Variants in ASS1 observed in about 807,000 individuals in gnomAD.
The protein encoded by ASS1 is argininosuccinate synthase.
Under a neutral mutation model 60.5 loss-of-function variants are expected in ASS1, and 58 were observed. The ratio of observed to expected loss-of-function variants is 0.96; its 90% CI spans 0.78 to 1.19. The LOEUF (loss-of-function observed/expected upper bound fraction) is 1.19, where lower values mean the gene tolerates loss of function less well. ASS1 is among the 50% of genes most tolerant of loss of function. ASS1 has a pLI of 0.00. For missense variants in ASS1, 454 were observed against 547.3 expected, an observed-to-expected ratio of 0.83 and a Z score of 1.70; for synonymous variants, 200 against 206.9, an observed-to-expected ratio of 0.97 and a Z score of 0.29.
At position 130,488,571 on chromosome 9, in the gene ASS1, T is replaced by G. The variant is rs1316983244; in HGVS notation, c.839-762T>G. On this transcript the variant is annotated intron_variant, in intron 11 of 14. Coordinates refer to ENST00000352480, the MANE Select transcript of ASS1 (RefSeq NM_054012.4). This position sits in a 1 kb window ranked among gnomAD's most constrained non-coding sequence, Gnocchi z 5.2. ...TCTGTCTCACTCGGAGATCATCTGT[T>G]CCAAGCAGGTTGTTTTCCAAATGGA... Among the ~76,000 whole-genome samples the G allele has an allele frequency of 6.6e-6, 1 of 152,232 alleles. No individual in the cohort carries two copies. Among genetic ancestry groups the G allele is most frequent in the African/African-American group, 2.4e-5 (1 of 41,448 alleles).
rs1019016157 is a variant in ASS1, at chr9:130,491,089, T to A, written c.970+1625T>A. Among the ~76,000 whole-genome samples the A allele has an allele frequency of 6.6e-6, 1 of 152,160 alleles. No homozygotes were observed. The highest frequency in any genetic ancestry group is 1.5e-5 in the Non-Finnish European group (1 of 68,026). On this transcript the variant is annotated intron_variant, in intron 12 of 14. Transcript: ENST00000352480. This position sits in a 1 kb window ranked among gnomAD's most constrained non-coding sequence, Gnocchi z 5.3. The stretch of plus-strand genomic sequence containing the variant: ...TAAGCCTCCTAATCACTGTAACTCA[T>A]CTCAGGATTTCGAGAGGGCTCGATG...
intron 11 of ASS1, among the ~76,000 whole-genome samples, chr9:130,484,143 T>A (rs1846243409): frequency 6.6e-6 from 1 of 152,144 alleles, no homozygotes; most frequent in African/African-American, 2.4e-5. Flanking sequence ...CCCTGGTACC[T>A]AAGAGGGGAG....
chr9:130,481,788 G>C (rs1446311171), intron 11 of ASS1, among the ~76,000 whole-genome samples: 1 of 152,210 alleles, frequency 6.6e-6, no homozygotes, highest in African/African-American at 2.4e-5. Context: ...GGGGAGGCAG[G>C]CTCGCCTCTT....
At chr9:130,461,034 T>C (rs1264425670) in intron 4 of ASS1, among the ~76,000 whole-genome samples, 1 of 149,556 alleles carries the variant, frequency 6.7e-6, no homozygotes, top group Non-Finnish European at 1.5e-5. Flanking sequence ...AAAAAAAAGC[T>C]CCCGACCCAT....
Position 130,489,387 on chromosome 9 carries a change from A to G in ASS1, c.893A>G (p.Glu298Gly), listed in dbSNP as rs372061654. 9 of 1,614,004 alleles carry G rather than the reference A, an allele frequency of 5.6e-6. No homozygotes were observed. Among genetic ancestry groups the G allele is most frequent in the Non-Finnish European group, 7.6e-6 (9 of 1,180,010 alleles). Reference sequence around the variant, plus strand: ...CTTTACCATGCTCATTTAGACATCGAGGCCTTCACCATGGACCGGGAAGTG... The same window carrying G: ...CTTTACCATGCTCATTTAGACATCGGGGCCTTCACCATGGACCGGGAAGTG... ...TILYHAHLDI[E>G]AFTMDREVRK... Residue 298 changes from glutamate to glycine, a missense_variant, in exon 12 of 15, where the codon GAG becomes GGG. By Grantham distance (98) the Glu-to-Gly change is moderately conservative. Transcript: ENST00000352480. This position sits in a 1 kb window ranked among gnomAD's most constrained non-coding sequence, Gnocchi z 4.1.
Position 130,470,622 on chromosome 9 carries a change from T to C in ASS1, c.496-212T>C, listed in dbSNP as rs758380745. Among the ~76,000 whole-genome samples the C allele has an allele frequency of 2.8e-4, 42 of 152,188 alleles. No homozygotes were observed. Among genetic ancestry groups the C allele is most frequent in the Non-Finnish European group, 4.9e-4 (33 of 68,022 alleles). On this transcript the variant is annotated intron_variant, in intron 6 of 14. Transcript: ENST00000352480. The surrounding 1 kb of genome is among the most constrained non-coding windows in gnomAD (Gnocchi z 4.3). Reference sequence around the variant, plus strand: ...CTGGAAGGAACCTCCAAGGTCAGCATTGCAGACACACGGTCCTGCAGTTTC... The same window carrying C: ...CTGGAAGGAACCTCCAAGGTCAGCACTGCAGACACACGGTCCTGCAGTTTC...
Position 130,464,154 on chromosome 9 carries a change from C to T in ASS1, c.407C>T (p.Ala136Val), listed in dbSNP as rs760164246. 14 of 1,614,016 alleles carry T rather than the reference C, an allele frequency of 8.7e-6. No homozygotes were observed. The highest frequency in any genetic ancestry group is 2.7e-5 in the African/African-American group (2 of 74,928). ...VRFELSCYSL[A>V]PQIKVIAPWR... ...TTTGAGCTCAGCTGCTACTCACTGGCCCCCCAGATAAAGGTAGGATGTGGC... is the reference window on the plus strand; with the variant it reads ...TTTGAGCTCAGCTGCTACTCACTGGTCCCCCAGATAAAGGTAGGATGTGGC... The change falls in exon 5 of 15, where the codon GCC (alanine) becomes GTC (valine). Residue 136 changes from alanine to valine, a missense_variant. Transcript: ENST00000352480.
intron 6 of ASS1, among the ~76,000 whole-genome samples, chr9:130,469,969 C>T (rs1299852098): frequency 6.6e-6 from 1 of 152,170 alleles, no homozygotes; most frequent in Admixed American, 6.5e-5. Context: ...GGTGGGGCCC[C>T]TTCAGTGCAC....
chr9:130,445,594 C>A (rs530087733), intron 1 of ASS1, among the ~76,000 whole-genome samples: 1 of 152,014 alleles, frequency 6.6e-6, no homozygotes, highest in African/African-American at 2.4e-5. Context: ...GTGGGGCTGG[C>A]GGCCTCGCGG....
At chr9:130,450,384 C>T (rs1385713732) in intron 1 of ASS1, 3 of 972,722 alleles carry the variant, frequency 3.1e-6, no homozygotes, top group African/African-American at 1.8e-5. Flanking sequence ...TCCTTCCCTC[C>T]ATCCTGCATG....
Position 130,476,708 on chromosome 9 carries a change from G to A in ASS1, c.598-163G>A. ...TGTTTCCCAGGCCTCTGGCAAGCGA[G>A]GCTGGTGCTAGGCTGAGGGCTGGGG... On this transcript the variant is annotated intron_variant, in intron 8 of 14. Coordinates refer to ENST00000352480, the MANE Select transcript of ASS1 (RefSeq NM_054012.4). This position sits in a 1 kb window ranked among gnomAD's most constrained non-coding sequence, Gnocchi z 4.9. 1 of 714,584 alleles carries A rather than the reference G, an allele frequency of 1.4e-6. No individual in the cohort carries two copies. Among genetic ancestry groups the A allele is most frequent in the Non-Finnish European group, 2.5e-6 (1 of 396,072 alleles). 44.3% of individuals were successfully genotyped at this position (714,584 alleles called of 1,614,324 possible). A position where few individuals can be genotyped will look rare whatever the true frequency, so the allele number is the denominator to read the frequency against.
intron 12 of ASS1, among the ~76,000 whole-genome samples, chr9:130,493,955 G>A (rs1846518948): frequency 6.6e-6 from 1 of 152,216 alleles, no homozygotes; most frequent in East Asian, 1.9e-4. Context: ...AAAGCTCCAA[G>A]TTTATCATAG....
At chr9:130,463,449 G>C (rs1455907891) in intron 4 of ASS1, among the ~76,000 whole-genome samples, 1 of 152,214 alleles carries the variant, frequency 6.6e-6, no homozygotes, top group South Asian at 2.1e-4. Context: ...CAACCTGCCC[G>C]AGGGGGTGGC....
intron 13 of ASS1, among the ~76,000 whole-genome samples, chr9:130,497,983 AGCCCTGGAGGG>A (rs1282157377): frequency 6.6e-6 from 1 of 152,164 alleles, no homozygotes; most frequent in East Asian, 1.9e-4. Flanking sequence ...TCAGTGCCTG[AGCCCTGGAGGG>A]GCCGTGGAGG....
chr9:130,487,864 C>T (rs113745821), intron 11 of ASS1, among the ~76,000 whole-genome samples: 5,251 of 152,088 alleles, frequency 0.035, 320 homozygotes, highest in African/African-American at 0.12. Context: ...GATCCTCCTG[C>T]CTCAGCCTCC....
intron 14 of ASS1, 70 bp downstream of exon 14, chr9:130,499,640 A>G (rs1400333031): frequency 1.2e-5 from 18 of 1,482,814 alleles, no homozygotes; most frequent in South Asian, 2.4e-5. Flanking sequence ...GAGAGCCCCC[A>G]GGTGTAAAGG....
At chr9:130,464,270 AT>A in intron 5 of ASS1, 103 bp downstream of exon 5, 1 of 1,421,498 alleles carries the variant, frequency 7.0e-7, no homozygotes, top group Non-Finnish European at 9.9e-7. Flanking sequence ...CAGGCACAGA[AT>A]CTCCTCCGTG....
At chr9:130,500,626 C>T (rs957834707) in intron 14 of ASS1, among the ~76,000 whole-genome samples, 2 of 152,122 alleles carry the variant, frequency 1.3e-5, no homozygotes, top group Non-Finnish European at 2.9e-5. Flanking sequence ...CCTCCACCTC[C>T]CCTGCCTCCT....
rs886063533 is a variant in ASS1, at chr9:130,501,150, C to T, written c.*129C>T. On this transcript the variant is annotated 3_prime_UTR_variant, in exon 15 of 15. Transcript: ENST00000352480. ...TGGCAGCGTAGTGGGGCTGCCAGGCCCCAGCTTTGTTCCCTGGTCCCCCTG... is the reference window on the plus strand; with the variant it reads ...TGGCAGCGTAGTGGGGCTGCCAGGCTCCAGCTTTGTTCCCTGGTCCCCCTG... The T allele has an allele frequency of 1.2e-5, 13 of 1,075,310 alleles. No individual in the cohort carries two copies. Among genetic ancestry groups the T allele is most frequent in the Admixed American group, 1.8e-5 (1 of 56,132 alleles). The allele number at this position is 1,075,310 out of a possible 1,614,324, so 66.6% of individuals were successfully genotyped here.
Sources: gnomAD v4.1 joint callset for allele counts (sites outside exome capture counted in the v4.1 genomes callset) on GRCh38, gnomAD v4.1.1 for gene constraint, Gnocchi (gnomAD v3.1) non-coding constraint, MANE v1.5 for transcripts, NCBI Gene and HGNC (gene_info 2026-07-23, HGNC 2026-07-21) for gene names.